The following DPP4 variants were observed in gnomAD, a reference collection of about 807,000 sequenced individuals.
The protein encoded by DPP4 is ADCP-2.
A neutral mutation model predicts 122.4 loss-of-function variants in DPP4; 93 were observed. That is an observed-to-expected ratio of 0.76 (90% CI 0.64 to 0.90). DPP4 has a LOEUF of 0.90. Among genes scored for constraint, DPP4 ranks in the 40% least tolerant of loss-of-function variants. DPP4 has a pLI of 0.00. For synonymous variants in DPP4, 321 were observed against 302.9 expected (o/e 1.06, Z -0.62); for missense variants, 914 against 907.3 (o/e 1.01, Z -0.09).
Position 162,039,314 on chromosome 2 carries a change from T to C in DPP4, c.367-130A>G, listed in dbSNP as rs563288175. 7.1e-5 allele frequency: 58 copies of C among 818,438 alleles called. No individual in the cohort carries two copies. The African/African-American group carries it at 8.5e-4, about 12-fold the overall frequency. The allele number at this position is 818,438 out of a possible 1,614,324, so 50.7% of individuals were successfully genotyped here. A position where few individuals can be genotyped will look rare whatever the true frequency, so the allele number is the denominator to read the frequency against. ...TCTCACATGTTATCATATCTTATAA[T>C]TTCCTCCGAGAATTTTGGGATTCAG... On this transcript the variant is annotated intron_variant, in intron 5 of 25. Coordinates refer to ENST00000360534, the MANE Select transcript of DPP4 (RefSeq NM_001935.4).
intron 5 of DPP4, among the ~76,000 whole-genome samples, chr2:162,040,162 G>C (rs1346806080): frequency 6.6e-6 from 1 of 151,998 alleles, no homozygotes; most frequent in Non-Finnish European, 1.5e-5. Flanking sequence ...ACTTTACATA[G>C]AGAAAACTCC....
chr2:162,073,293 G>T, intron 2 of DPP4, 106 bp downstream of exon 2: 1 of 1,093,598 alleles, frequency 9.1e-7, no homozygotes, highest in Non-Finnish European at 1.4e-6. Context: ...ACACTTCGGG[G>T]CACTGGTCCA....
At chr2:162,056,178 T>C (rs1197751586) in intron 2 of DPP4, among the ~76,000 whole-genome samples, 15 of 152,242 alleles carry the variant, frequency 9.9e-5, no homozygotes, top group Non-Finnish European at 2.9e-5. Context: ...TTAGCAATGA[T>C]ACCATCTAAC....
intron 2 of DPP4, among the ~76,000 whole-genome samples, chr2:162,065,499 G>T (rs1684917865): frequency 6.6e-6 from 1 of 152,158 alleles, no homozygotes; most frequent in Non-Finnish European, 1.5e-5. Context: ...AATTATAAAA[G>T]ATGCTAATGA....
chr2:162,068,943 T>C (rs935855353), intron 2 of DPP4, among the ~76,000 whole-genome samples: 3 of 152,154 alleles, frequency 2.0e-5, no homozygotes, highest in African/African-American at 7.2e-5. Context: ...AACAGGCACA[T>C]GAGTGAGCTT....
chr2:162,025,114 AAGTGT>A, intron 10 of DPP4, among the ~76,000 whole-genome samples, 175 bp from the exon 11 acceptor site: 3 of 152,332 alleles, frequency 2.0e-5, no homozygotes, highest in Admixed American at 2.0e-4. Flanking sequence ...TTAAAGCTTA[AAGTGT>A]AATTTAATTT....
In DPP4 at chr2:161,994,962, A is replaced by G. The variant is rs1174810597; in HGVS notation, c.2198T>C (p.Met733Thr). The G allele has an allele frequency of 1.2e-6, 2 of 1,613,964 alleles. No individual in the cohort carries two copies. The highest frequency in any genetic ancestry group is 2.7e-5 in the African/African-American group (2 of 75,012). Reference sequence around the variant, plus strand: ...CCCTTGCACAAAGTTTTTCTATACCATTGCCTGGAAATCCACTCCAACATC... The same window carrying G: ...CCCTTGCACAAAGTTTTTCTATACCGTTGCCTGGAAATCCACTCCAACATC... ...LVDVGVDFQA[M>T]WYTDEDHGIA... The change falls in exon 25 of 26, where the codon ATG (methionine) becomes ACG (threonine). Residue 733 changes from methionine to threonine, a missense_variant and splice_region_variant. By Grantham distance (81) the Met-to-Thr change is moderately conservative. Coordinates refer to ENST00000360534, the MANE Select transcript of DPP4 (RefSeq NM_001935.4).
At chr2:162,065,836 T>C (rs1684928923) in intron 2 of DPP4, among the ~76,000 whole-genome samples, 1 of 152,232 alleles carries the variant, frequency 6.6e-6, no homozygotes, top group African/African-American at 2.4e-5. Flanking sequence ...TTGATTGTAG[T>C]TAATGTTTAT....
In DPP4 at chr2:162,013,219, T is replaced by A. The variant is rs532765931; in HGVS notation, c.1637+1177A>T. Among the ~76,000 whole-genome samples the A allele has an allele frequency of 7.4e-4, 113 of 152,178 alleles. 1 individual carries two copies. Among genetic ancestry groups the A allele is most frequent in the African/African-American group, 2.6e-3 (110 of 41,562 alleles). On this transcript the variant is annotated intron_variant, in intron 19 of 25. Transcript: ENST00000360534. ...AATATGTATTAAATTTACCATTTTT[T>A]AAAACCTTTTCTAATGGAGATCAAA...
rs915421389 is a variant in DPP4 at position 162,022,760 on chromosome 2, C to A, written c.1063G>T (p.Gly355Ter). The A allele has an allele frequency of 6.2e-7, 1 of 1,614,030 alleles. No homozygotes were observed. Among genetic ancestry groups the A allele is most frequent in the Non-Finnish European group, 8.5e-7 (1 of 1,180,000 alleles). The part of the protein sequence containing the change: ...HIEMSTTGWV[G>*]RFRPSEPHFT... ...CCACAACTTATAACACTTACTCTTC[C>A]AACCCAGCCAGTAGTACTCATTTCA... Residue 355 changes from glycine to a stop codon, truncating the protein, a stop_gained, in exon 12 of 26, where the codon GGA (glycine) becomes TGA (stop). Coordinates refer to ENST00000360534, the MANE Select transcript of DPP4 (RefSeq NM_001935.4). LOFTEE classifies it high-confidence loss of function.
At chr2:162,055,723 C>T (rs963846601) in intron 2 of DPP4, among the ~76,000 whole-genome samples, 6 of 151,894 alleles carry the variant, frequency 4.0e-5, no homozygotes, top group African/African-American at 1.5e-4. Flanking sequence ...ATGATAAATG[C>T]ATTGCCATCT....
At chr2:162,051,536 C>T (rs1361906244) in intron 2 of DPP4, among the ~76,000 whole-genome samples, 1 of 152,168 alleles carries the variant, frequency 6.6e-6, no homozygotes, top group African/African-American at 2.4e-5. Flanking sequence ...TTGTTAAAAA[C>T]AGGCAAAAGA....
chr2:162,016,000 G>C (rs1682901657), intron 18 of DPP4, among the ~76,000 whole-genome samples: 1 of 152,154 alleles, frequency 6.6e-6, no homozygotes, highest in African/African-American at 2.4e-5. Flanking sequence ...AGACTCACAT[G>C]CACATTCAGT....
At chr2:162,069,353 C>T (rs1394060432) in intron 2 of DPP4, among the ~76,000 whole-genome samples, 2 of 152,222 alleles carry the variant, frequency 1.3e-5, no homozygotes, top group African/African-American at 4.8e-5. Flanking sequence ...TTTACAGCCA[C>T]ATTCTCCATG....
intron 23 of DPP4, among the ~76,000 whole-genome samples, chr2:162,002,927 A>G (rs1701188209): frequency 6.6e-6 from 1 of 152,206 alleles, no homozygotes; most frequent in Non-Finnish European, 1.5e-5. Context: ...CACATTTCGG[A>G]GGAAGCAACT....
At chr2:162,031,262 A>T (rs548270084) in intron 10 of DPP4, among the ~76,000 whole-genome samples, 1 of 152,144 alleles carries the variant, frequency 6.6e-6, no homozygotes, top group Non-Finnish European at 1.5e-5. Flanking sequence ...TGTGTCCTGG[A>T]ACCACTCCAG....
intron 20 of DPP4, among the ~76,000 whole-genome samples, chr2:162,010,809 A>G (rs569826884): frequency 2.6e-5 from 4 of 152,174 alleles, no homozygotes; most frequent in African/African-American, 9.6e-5. Flanking sequence ...TCCTTAATCA[A>G]TTGTCATCTT....
At chr2:162,046,179 G>C (rs1376695431) in intron 4 of DPP4, among the ~76,000 whole-genome samples, 1 of 152,010 alleles carries the variant, frequency 6.6e-6, no homozygotes, top group Non-Finnish European at 1.5e-5. Context: ...CCTAGATATG[G>C]GGAGTGCAGT....
At chr2:162,046,808 G>A in intron 4 of DPP4, 107 bp downstream of exon 4, 1 of 780,272 alleles carries the variant, frequency 1.3e-6, no homozygotes, top group Middle Eastern at 2.3e-4. Context: ...GCCATATGCT[G>A]CAGAAAGAGT....
Sources: gnomAD v4.1 joint callset for allele counts (sites outside exome capture counted in the v4.1 genomes callset) on GRCh38, gnomAD v4.1.1 for gene constraint, MANE v1.5 for transcripts, NCBI Gene and HGNC (gene_info 2026-07-23, HGNC 2026-07-21) for gene names.